Variants in CCDC7 observed in about 807,000 individuals in gnomAD.
CCDC7 encodes coiled-coil domain-containing protein 7.
Under a neutral mutation model 196.9 loss-of-function variants are expected in CCDC7, and 183 were observed. The ratio of observed to expected loss-of-function variants is 0.93; its 90% CI spans 0.82 to 1.05. CCDC7 has a LOEUF of 1.05. Among genes scored for constraint, CCDC7 ranks in the 50% least tolerant of loss-of-function variants. The pLI, the probability that CCDC7 is intolerant of heterozygous loss-of-function variation, is 0.00. For missense variants in CCDC7, 1,540 were observed against 1,482.2 expected (o/e 1.04, Z -0.64); for synonymous variants, 525 against 484.6 (o/e 1.08, Z -1.10).
rs1300428842 is a variant in CCDC7, at chr10:32,800,065, C to T, written c.3014-4950C>T. On this transcript the variant is annotated intron_variant, in intron 29 of 41. Coordinates refer to ENST00000639629, the Ensembl canonical transcript of CCDC7. ...TCAAGCAATGAAACTACATCTGATACAGCAGCTGCAGTTGGAGTAAACCCT... is the reference window on the plus strand; with the variant it reads ...TCAAGCAATGAAACTACATCTGATATAGCAGCTGCAGTTGGAGTAAACCCT... 5.9e-5 allele frequency among the ~76,000 whole-genome samples: 9 copies of T among 152,304 alleles called. No homozygotes were observed. In the South Asian group the frequency reaches 6.2e-4, roughly 11 times the overall value.
In CCDC7 at chr10:32,854,501, A is replaced by G. The variant is rs751994217; in HGVS notation, c.4111+12A>G. On this transcript the variant is annotated intron_variant, in intron 41 of 41. Coordinates refer to ENST00000639629, the Ensembl canonical transcript of CCDC7. ...ACCTACCTATAAAGGTAAAAGAATCACTACAATACAGACATATGAAATAAA... is the reference window on the plus strand; with the variant it reads ...ACCTACCTATAAAGGTAAAAGAATCGCTACAATACAGACATATGAAATAAA... The G allele has an allele frequency of 4.3e-5, 59 of 1,385,362 alleles. No homozygotes were observed. The highest frequency in any genetic ancestry group is 5.7e-5 in the Non-Finnish European group (56 of 979,072). 85.8% of individuals were successfully genotyped at this position (1,385,362 alleles called of 1,614,324 possible).
At chr10:32,584,379 A>T in intron 18 of CCDC7, 75 bp downstream of exon 19, 1 of 987,420 alleles carries the variant, frequency 1.0e-6, no homozygotes, top group Non-Finnish European at 1.5e-6. Context: ...TTATAAATAA[A>T]TGAGGGGAAA....
intron 28 of CCDC7, 72 bp from the exon 30 acceptor site, chr10:32,778,905 A>G (rs2080566785): frequency 2.9e-6 from 3 of 1,049,514 alleles, no homozygotes; most frequent in South Asian, 1.4e-5. Flanking sequence ...TCTTGGTTAC[A>G]TGCATTGCTA....
chr10:32,670,635 T>C (rs2073874709), intron 21 of CCDC7, among the ~76,000 whole-genome samples: 2 of 149,540 alleles, frequency 1.3e-5, no homozygotes, highest in South Asian at 2.1e-4. Context: ...AGTGAGAATA[T>C]GCGGTGTCTG....
chr10:32,846,315 TATAC>T, intron 36 of CCDC7, 57 bp from the exon 38 acceptor site: 1 of 975,228 alleles, frequency 1.0e-6, no homozygotes, highest in Non-Finnish European at 1.6e-6. Context: ...AACACACACG[TATAC>T]ACATGTATGG....
intron 13 of CCDC7, among the ~76,000 whole-genome samples, chr10:32,555,468 T>A (rs2054205301): frequency 6.6e-6 from 1 of 152,024 alleles, no homozygotes; most frequent in South Asian, 2.1e-4. Context: ...ATGGTCTCGA[T>A]CTCTTGACCT....
chr10:32,598,227 A>C (rs1172308108), intron 18 of CCDC7, among the ~76,000 whole-genome samples: 1 of 152,094 alleles, frequency 6.6e-6, no homozygotes, highest in African/African-American at 2.4e-5. Context: ...CCCCAGCCTC[A>C]CTGTCGCCTT....
chr10:32,487,756 A>G (rs2041417158), intron 8 of CCDC7, among the ~76,000 whole-genome samples: 2 of 152,196 alleles, frequency 1.3e-5, no homozygotes, highest in South Asian at 4.1e-4. Context: ...TCCACTCCAG[A>G]CCCTGTTTGC....
At chr10:32,673,794 T>C (rs951303834) in intron 21 of CCDC7, among the ~76,000 whole-genome samples, 1 of 152,024 alleles carries the variant, frequency 6.6e-6, no homozygotes, top group Non-Finnish European at 1.5e-5. Context: ...TTATTTACTA[T>C]TGACCTTTTC....
chr10:32,667,510 A>G (rs935362522), intron 21 of CCDC7, among the ~76,000 whole-genome samples: 1 of 152,136 alleles, frequency 6.6e-6, no homozygotes, highest in African/African-American at 2.4e-5. Context: ...CAGGTCTAAC[A>G]TTTAAGTCTT....
chr10:32,820,195 G>A (rs1261948960), intron 31 of CCDC7, among the ~76,000 whole-genome samples: 2 of 152,164 alleles, frequency 1.3e-5, no homozygotes, highest in African/African-American at 2.4e-5. Context: ...CAAATCATGA[G>A]TGAACTCCCA....
intron 8 of CCDC7, among the ~76,000 whole-genome samples, chr10:32,486,604 A>G (rs10827066): frequency 0.082 from 234 of 2,868 alleles, 74 homozygotes; most frequent in African/African-American, 0.087. Context: ...GACGATCTTT[A>G]CAATTTGGCA....
intron 20 of CCDC7, among the ~76,000 whole-genome samples, chr10:32,649,694 G>A (rs1348484077): frequency 6.6e-6 from 1 of 152,144 alleles, no homozygotes; most frequent in Non-Finnish European, 1.5e-5. Context: ...ATATTTCTGG[G>A]ATGTTTTGTT....
intron 9 of CCDC7, among the ~76,000 whole-genome samples, chr10:32,495,092 T>C (rs1193374180): frequency 1.3e-5 from 2 of 152,234 alleles, no homozygotes; most frequent in African/African-American, 4.8e-5. Context: ...CCATTCTAAC[T>C]GGCATGAGAT....
chr10:32,635,645 C>G (rs964227783), intron 20 of CCDC7, among the ~76,000 whole-genome samples: 1 of 151,846 alleles, frequency 6.6e-6, no homozygotes, highest in Non-Finnish European at 1.5e-5. Context: ...AAACAAAACC[C>G]AAAACAAACA....
rs187472036 is a variant in CCDC7, at chr10:32,522,761, G to A, written c.993+4256G>A. Among the ~76,000 whole-genome samples the A allele has an allele frequency of 1.6e-3, 250 of 152,026 alleles. 1 individual carries two copies. The highest frequency in any genetic ancestry group is 5.8e-3 in the African/African-American group (239 of 41,486). On this transcript the variant is annotated intron_variant, in intron 11 of 41. Coordinates refer to ENST00000639629, the Ensembl canonical transcript of CCDC7. ...TTTGTTGCTTCATTAGGTTATTTAT[G>A]TGAAATTTTTCTTCTTTTTTGATGC...
At chr10:32,523,845 T>C (rs1196527869) in intron 11 of CCDC7, among the ~76,000 whole-genome samples, 1 of 152,178 alleles carries the variant, frequency 6.6e-6, no homozygotes, top group African/African-American at 2.4e-5. Flanking sequence ...TTTCCATTCC[T>C]ATATTTTCTG....
At chr10:32,596,072 A>T (rs2060314402) in intron 18 of CCDC7, among the ~76,000 whole-genome samples, 1 of 152,146 alleles carries the variant, frequency 6.6e-6, no homozygotes, top group Non-Finnish European at 1.5e-5. Context: ...CTTGTTGCAG[A>T]GCTGAGTTCA....
At chr10:32,769,064 A>G (rs998844657) in intron 28 of CCDC7, among the ~76,000 whole-genome samples, 2 of 152,074 alleles carry the variant, frequency 1.3e-5, no homozygotes, top group Non-Finnish European at 2.9e-5. Context: ...TTTTTGGAAC[A>G]GTTTCAACAG....
Sources: gnomAD v4.1 joint callset for allele counts (sites outside exome capture counted in the v4.1 genomes callset) on GRCh38, gnomAD v4.1.1 for gene constraint, MANE v1.5 for transcripts, NCBI Gene and HGNC (gene_info 2026-07-23, HGNC 2026-07-21) for gene names.